GPR161: variants seen among roughly 807,000 people sequenced by gnomAD.
The protein encoded by GPR161 is G protein-coupled receptor 161.
In GPR161, 25 loss-of-function variants were observed where a neutral mutation model predicts 39.2. That is an observed-to-expected ratio of 0.64 (90% CI 0.47 to 0.89). GPR161 has a LOEUF of 0.89. Ranked by LOEUF, GPR161 falls within the 40% of genes least tolerant of loss-of-function variation. GPR161 has a pLI of 0.00. For synonymous variants in GPR161, 286 were observed against 276.6 expected, an observed-to-expected ratio of 1.03 and a Z score of -0.34; for missense variants, 547 against 677.8, an observed-to-expected ratio of 0.81 and a Z score of 2.14.
At chr1:168,122,451 G>A (rs903424884) in intron 1 of GPR161, among the ~76,000 whole-genome samples, 2 of 152,064 alleles carry the variant, frequency 1.3e-5, no homozygotes, top group Non-Finnish European at 2.9e-5. Flanking sequence ...CAACCACAGT[G>A]AGCCTGTTAA....
At chr1:168,130,030 C>A (rs1263323375) in intron 1 of GPR161, among the ~76,000 whole-genome samples, 1 of 152,212 alleles carries the variant, frequency 6.6e-6, no homozygotes, top group Non-Finnish European at 1.5e-5. Flanking sequence ...CTTCCCTTGT[C>A]TTCCCTGAGC....
At chr1:168,099,293 A>T (rs1414997522) in intron 2 of GPR161, among the ~76,000 whole-genome samples, 2 of 152,170 alleles carry the variant, frequency 1.3e-5, no homozygotes, top group Non-Finnish European at 2.9e-5. Flanking sequence ...AGGGGACTGC[A>T]GGGAGGGGAG....
At position 168,104,348 on chromosome 1, in the gene GPR161, C is replaced by T. The variant is rs1204745461; in HGVS notation, c.374+129G>A. On this transcript the variant is annotated intron_variant, in intron 2 of 5. Coordinates refer to ENST00000682931, the MANE Select transcript of GPR161 (RefSeq NM_001375883.1). ...AAGAGATGGCTCCAGAGGCAGAACTCCACCTGGTCATCCTCCCCCAGCAAG... is the reference window on the plus strand; with the variant it reads ...AAGAGATGGCTCCAGAGGCAGAACTTCACCTGGTCATCCTCCCCCAGCAAG... 4.3e-6 allele frequency: 3 copies of T among 693,846 alleles called. No homozygotes were observed. In the African/African-American group the frequency reaches 5.4e-5, roughly 12 times the overall value. 43.0% of individuals were successfully genotyped at this position (693,846 alleles called of 1,614,324 possible).
chr1:168,114,797 G>T (rs1697490580), intron 1 of GPR161, among the ~76,000 whole-genome samples: 1 of 152,160 alleles, frequency 6.6e-6, no homozygotes, highest in Non-Finnish European at 1.5e-5. Context: ...CATTTGAAGA[G>T]TTTAACCTGA....
chr1:168,093,132 A>G (rs1017592725), intron 3 of GPR161, among the ~76,000 whole-genome samples: 5 of 152,162 alleles, frequency 3.3e-5, no homozygotes, highest in Non-Finnish European at 7.3e-5. Flanking sequence ...TACCATCCTA[A>G]GACCACCTGG....
At chr1:168,113,369 C>G (rs555855768) in intron 1 of GPR161, among the ~76,000 whole-genome samples, 1 of 152,312 alleles carries the variant, frequency 6.6e-6, no homozygotes, top group South Asian at 2.1e-4. Context: ...CCCTCTCAGA[C>G]AGGTCATCAG....
chr1:168,115,936 C>T lies in GPR161; in HGVS notation c.-44-11042G>A, dbSNP rs570663477. Among the ~76,000 whole-genome samples, 95 of 152,206 alleles carry T rather than the reference C, an allele frequency of 6.2e-4. 5 individuals are homozygous for T. The highest frequency in any genetic ancestry group is 2.5e-3 in the East Asian group (13 of 5,168). On this transcript the variant is annotated intron_variant, in intron 1 of 5. Coordinates refer to ENST00000682931, the MANE Select transcript of GPR161 (RefSeq NM_001375883.1). ...GACTACAGGCGCCCGCCACCACGCC[C>T]GGCTAATTTTTTTTGTATTTTTAGT... is the stretch of plus-strand genomic sequence containing the variant.
intron 1 of GPR161, among the ~76,000 whole-genome samples, chr1:168,115,581 G>T (rs1367382443): frequency 1.3e-5 from 2 of 152,060 alleles, no homozygotes; most frequent in African/African-American, 2.4e-5. Context: ...AGGAAAGTGA[G>T]ACCTCCCCCA....
chr1:168,117,735 G>GT (rs1218421954), intron 1 of GPR161, among the ~76,000 whole-genome samples: 2 of 152,176 alleles, frequency 1.3e-5, no homozygotes, highest in African/African-American at 4.8e-5. Context: ...TGAGTCTATT[G>GT]TTTATCTTCA....
chr1:168,104,083 C>A (rs751498331), intron 2 of GPR161, among the ~76,000 whole-genome samples: 2 of 152,140 alleles, frequency 1.3e-5, no homozygotes, highest in Non-Finnish European at 2.9e-5. Context: ...CCTGTTCGGG[C>A]TGCACTAGTC....
At chr1:168,112,250 G>A (rs1002938999) in intron 1 of GPR161, among the ~76,000 whole-genome samples, 4 of 151,936 alleles carry the variant, frequency 2.6e-5, no homozygotes, top group African/African-American at 9.7e-5. Context: ...GGAGGCCGGG[G>A]CAGGCAGATC....
intron 2 of GPR161, among the ~76,000 whole-genome samples, chr1:168,101,579 G>A (rs912345860): frequency 1.3e-5 from 2 of 152,148 alleles, no homozygotes; most frequent in Non-Finnish European, 2.9e-5. Flanking sequence ...AACTGGGAGA[G>A]TTACTTCCCA....
In GPR161 at chr1:168,085,752, T is replaced by C. The variant is rs759927031; in HGVS notation, c.1369A>G (p.Lys457Glu). ...SILHVKAEVH[K>E]SLDSYAASLA... is the part of the protein sequence containing the mutation. ...CTTGCTGCGTAACTGTCCAAGGACT[T>C]GTGTACTTCAGCTTTCACATGAAGA... Residue 457 changes from lysine to glutamate, a missense_variant, in exon 6 of 6, where the codon AAG becomes GAG. Coordinates refer to ENST00000682931, the MANE Select transcript of GPR161 (RefSeq NM_001375883.1). 1 of 1,613,990 alleles carries C rather than the reference T, an allele frequency of 6.2e-7. No individual in the cohort carries two copies. The highest frequency in any genetic ancestry group is 2.2e-5 in the East Asian group (1 of 44,888).
intron 1 of GPR161, 121 bp downstream of exon 1, chr1:168,136,618 G>A: frequency 1.6e-6 from 2 of 1,227,774 alleles, no homozygotes; most frequent in Non-Finnish European, 1.0e-6. Context: ...CGCCGTGGGG[G>A]CGGGGACCCT....
chr1:168,125,678 T>G (rs1223249128), intron 1 of GPR161, among the ~76,000 whole-genome samples: 1 of 149,154 alleles, frequency 6.7e-6, no homozygotes, highest in Non-Finnish European at 1.5e-5. Flanking sequence ...AGTACAATGG[T>G]GTGATCTCAG....
At chr1:168,118,566 T>C (rs1220646189) in intron 1 of GPR161, 1 of 152,132 alleles carries the variant, frequency 6.6e-6, no homozygotes, top group Non-Finnish European at 1.5e-5. Flanking sequence ...CTGTGCAATA[T>C]ATTCATGTAA....
rs946645732 is a variant in GPR161, at chr1:168,098,381, A to C, written c.375-1149T>G. On this transcript the variant is annotated intron_variant, in intron 2 of 5. Coordinates refer to ENST00000682931, the MANE Select transcript of GPR161 (RefSeq NM_001375883.1). This position sits in a 1 kb window ranked among gnomAD's most constrained non-coding sequence, Gnocchi z 4.1. ...GAAAGGGTGGGAGGACTCAGACCAC[A>C]GGGCTGAAAGTCAACCACCACCCTC... Among the ~76,000 whole-genome samples, 15 of 152,248 alleles carry C rather than the reference A, an allele frequency of 9.9e-5. No individual in the cohort carries two copies. The highest frequency in any genetic ancestry group is 2.2e-4 in the Non-Finnish European group (15 of 68,052).
chr1:168,099,546 T>C (rs947413170), intron 2 of GPR161, among the ~76,000 whole-genome samples: 3 of 152,184 alleles, frequency 2.0e-5, no homozygotes, highest in Non-Finnish European at 2.9e-5. Context: ...CTTCTGGCTC[T>C]TCTCAACACC....
At chr1:168,090,368 G>A (rs965944948) in intron 4 of GPR161, 196 bp downstream of exon 4, 14 of 507,610 alleles carry the variant, frequency 2.8e-5, no homozygotes, top group South Asian at 1.8e-4. Context: ...TTTTGTAGAG[G>A]AAGAAACTGA....
Sources: gnomAD v4.1 joint callset for allele counts (sites outside exome capture counted in the v4.1 genomes callset) on GRCh38, gnomAD v4.1.1 for gene constraint, Gnocchi (gnomAD v3.1) non-coding constraint, MANE v1.5 for transcripts, NCBI Gene and HGNC (gene_info 2026-07-23, HGNC 2026-07-21) for gene names.